The following PTPRD variants were observed in gnomAD, a reference collection of about 807,000 sequenced individuals.
The protein encoded by PTPRD is protein tyrosine phosphatase receptor type D, also known as receptor-type tyrosine-protein phosphatase delta.
PTPRD carries 34 observed loss-of-function variants against 214.5 expected under a neutral mutation model. That is an observed-to-expected ratio of 0.16 (90% CI 0.12 to 0.21). The LOEUF (loss-of-function observed/expected upper bound fraction) is 0.21, where lower values mean the gene tolerates loss of function less well. Among genes scored for constraint, PTPRD ranks in the 10% least tolerant of loss-of-function variants. PTPRD has a pLI of 1.00. For synonymous variants in PTPRD, 1,128 were observed against 845.7 expected (o/e 1.33, Z -5.79); for missense variants, 2,545 against 2,398.7 (o/e 1.06, Z -1.27).
At chr9:8,627,774 C>G (rs1002303510) in intron 14 of PTPRD, among the ~76,000 whole-genome samples, 1 of 151,848 alleles carries the variant, frequency 6.6e-6, no homozygotes, top group Non-Finnish European at 1.5e-5. Context: ...ACTAGGGTCT[C>G]TCATAGACTA....
chr9:8,394,632 T>C (rs969655378), intron 36 of PTPRD, among the ~76,000 whole-genome samples: 1 of 152,134 alleles, frequency 6.6e-6, no homozygotes, highest in Non-Finnish European at 1.5e-5. Context: ...CCAGTTCTTT[T>C]GAGTTCTAAA....
chr9:9,859,066 C>A (rs1599988957), intron 5 of PTPRD, among the ~76,000 whole-genome samples: 2 of 152,102 alleles, frequency 1.3e-5, no homozygotes, highest in South Asian at 4.1e-4. Context: ...GTTCTCGTGA[C>A]AGTGAGTTCT....
At chr9:10,138,086 G>C (rs1269922319) in intron 3 of PTPRD, among the ~76,000 whole-genome samples, 2 of 151,834 alleles carry the variant, frequency 1.3e-5, no homozygotes, top group African/African-American at 2.4e-5. Context: ...TCATAGAAAA[G>C]ACCAACAAAT....
In PTPRD at chr9:8,528,630, T is replaced by C; in HGVS notation, c.502A>G (p.Thr168Ala). Residue 168 changes from threonine to alanine, a missense_variant, in exon 15 of 46, where the codon ACA (threonine) becomes GCA (alanine). Physicochemically the swap from Thr to Ala is moderately conservative, Grantham distance 58. Coordinates refer to ENST00000381196, the MANE Select transcript of PTPRD (RefSeq NM_002839.4). ...TWFKDFLPVD[T>A]SNNNGRIKQL... ...TTAATACGACCATTGTTGTTGCTTG[T>C]GTCCACAGGTAAGAAATCTTTAAAC... 6.2e-7 allele frequency: 1 copy of C among 1,613,748 alleles called. No individual in the cohort carries two copies.
At chr9:9,549,603 G>C (rs1274171532) in intron 8 of PTPRD, among the ~76,000 whole-genome samples, 7 of 152,010 alleles carry the variant, frequency 4.6e-5, no homozygotes, top group African/African-American at 1.7e-4. Context: ...CCTAAGAAAA[G>C]TAAAAACATG....
intron 7 of PTPRD, among the ~76,000 whole-genome samples, chr9:9,580,604 A>T (rs1298716396): frequency 1.4e-5 from 2 of 138,922 alleles, no homozygotes; most frequent in East Asian, 4.2e-4. Context: ...ACAGAAGTGC[A>T]GTGGTGTGAT....
intron 10 of PTPRD, among the ~76,000 whole-genome samples, chr9:9,143,757 G>A (rs189197058): frequency 6.6e-6 from 1 of 152,330 alleles, no homozygotes; most frequent in Non-Finnish European, 1.5e-5. Flanking sequence ...TCCTCAGAGA[G>A]AGGAAGGCTT....
In PTPRD at chr9:10,588,461, A is replaced by C. The variant is rs547859452; in HGVS notation, c.-600+23937T>G. On this transcript the variant is annotated intron_variant, in intron 2 of 45. Transcript: ENST00000381196. ...ACACACACACACACACACACTCACA[A>C]TGATAGTTATACAAACAAACCAGAA... Among the ~76,000 whole-genome samples the C allele has an allele frequency of 3.4e-3, 292 of 85,618 alleles. 1 individual carries two copies. The highest frequency in any genetic ancestry group is 0.028 in the Middle Eastern group (4 of 142). The allele number at this position is 85,618 out of a possible 152,430, so 56.2% of individuals were successfully genotyped here.
In PTPRD at chr9:9,247,190, C is replaced by A. The variant is rs866892111; in HGVS notation, c.-202-63827G>T. ...GATAGCAGGTCATAAGACTCTCATT[C>A]CAGAAGGGGTCCTTCCCTATACCTG... On this transcript the variant is annotated intron_variant, in intron 9 of 45. Transcript: ENST00000381196. Among the ~76,000 whole-genome samples the A allele has an allele frequency of 7.9e-5, 12 of 152,124 alleles. No homozygotes were observed. In the South Asian group the frequency reaches 2.5e-3, roughly 32 times the overall value.
In PTPRD at chr9:8,501,710, C is replaced by T. The variant is rs76371165; in HGVS notation, c.1823-651G>A. On this transcript the variant is annotated intron_variant, in intron 23 of 45. Transcript: ENST00000381196. ...GTTAACATTGATCATAGCCCATATA[C>T]AGTGAGCATGCAGAATCAATAAAGG... Among the ~76,000 whole-genome samples, 22 of 152,314 alleles carry T rather than the reference C, an allele frequency of 1.4e-4. No individual in the cohort carries two copies. In the East Asian group the frequency reaches 3.9e-3, roughly 27 times the overall value.
At chr9:9,394,063 T>G (rs187380779) in intron 9 of PTPRD, among the ~76,000 whole-genome samples, 2 of 152,262 alleles carry the variant, frequency 1.3e-5, no homozygotes. Flanking sequence ...AACTTTAATT[T>G]TTTAAACCAT....
At chr9:8,917,476 G>T (rs531829151) in intron 11 of PTPRD, among the ~76,000 whole-genome samples, 4 of 152,034 alleles carry the variant, frequency 2.6e-5, no homozygotes, top group South Asian at 2.1e-4. Flanking sequence ...TTGCTCTGGG[G>T]CAAGGAAGCA....
chr9:9,125,164 C>A (rs1332611355), intron 10 of PTPRD, among the ~76,000 whole-genome samples: 1 of 152,178 alleles, frequency 6.6e-6, no homozygotes, highest in African/African-American at 2.4e-5. Flanking sequence ...AGTAGAGCAG[C>A]TATCCTTAGC....
intron 10 of PTPRD, chr9:9,091,000 G>T (rs2099774783): frequency 6.4e-7 from 1 of 1,571,346 alleles, no homozygotes; most frequent in Admixed American, 1.7e-5. Context: ...CAAGGACAAG[G>T]CCATTAAGAA....
At chr9:10,237,708 T>C (rs1410321462) in intron 3 of PTPRD, among the ~76,000 whole-genome samples, 1 of 151,860 alleles carries the variant, frequency 6.6e-6, no homozygotes, top group Non-Finnish European at 1.5e-5. Context: ...GCCCCTGACA[T>C]GGAACATGTT....
chr9:9,687,214 T>A (rs550808704), intron 7 of PTPRD, among the ~76,000 whole-genome samples: 1 of 151,964 alleles, frequency 6.6e-6, no homozygotes, highest in East Asian at 1.9e-4. Context: ...AGGGAGAAGC[T>A]ATGTTTAAAA....
chr9:8,907,533 AATATAT>A (rs1555505761), intron 11 of PTPRD, among the ~76,000 whole-genome samples: 36 of 118,226 alleles, frequency 3.0e-4, no homozygotes, highest in Middle Eastern at 5.0e-3. Flanking sequence ...AAAAAAAAAA[AATATAT>A]ATATATATAT....
intron 2 of PTPRD, among the ~76,000 whole-genome samples, chr9:10,384,648 G>A (rs1432464432): frequency 1.3e-5 from 2 of 151,288 alleles, no homozygotes; most frequent in African/African-American, 2.4e-5. Context: ...AGTGGAATTA[G>A]TTTTAAAAAA....
intron 7 of PTPRD, among the ~76,000 whole-genome samples, chr9:9,613,295 T>A (rs1453951091): frequency 6.6e-6 from 1 of 151,818 alleles, no homozygotes; most frequent in Non-Finnish European, 1.5e-5. Flanking sequence ...TAATGATAAA[T>A]CTAAAAAACG....
Sources: allele counts gnomAD v4.1 joint callset (sites outside exome capture counted in the v4.1 genomes callset), GRCh38; gene constraint gnomAD v4.1.1; transcripts MANE v1.5; gene names NCBI Gene and HGNC (gene_info 2026-07-23, HGNC 2026-07-21).